Variants in ADAMTSL1 observed in about 807,000 individuals in gnomAD.
ADAMTSL1 encodes the protein ADAMTS-like protein 1.
In ADAMTSL1, 126 loss-of-function variants were observed where a neutral mutation model predicts 201.8. The ratio of observed to expected loss-of-function variants is 0.62; its 90% CI spans 0.54 to 0.72. The LOEUF (loss-of-function observed/expected upper bound fraction) is 0.72. Ranked by LOEUF, ADAMTSL1 falls within the 30% of genes least tolerant of loss-of-function variation. The pLI, the probability that ADAMTSL1 is intolerant of heterozygous loss-of-function variation, is 0.00. For synonymous variants in ADAMTSL1, 1,121 were observed against 903.4 expected (o/e 1.24, Z -4.32); for missense variants, 2,679 against 2,277.8 (o/e 1.18, Z -3.59).
At chr9:17,970,839 C>T (rs983495432) in intron 1 of ADAMTSL1, among the ~76,000 whole-genome samples, 1 of 151,972 alleles carries the variant, frequency 6.6e-6, no homozygotes, top group Admixed American at 6.6e-5. Flanking sequence ...TGTCTTTTCC[C>T]TGTGAAACTC....
At chr9:18,037,748 T>C (rs1821260851) in intron 1 of ADAMTSL1, among the ~76,000 whole-genome samples, 1 of 152,208 alleles carries the variant, frequency 6.6e-6, no homozygotes, top group Admixed American at 6.6e-5. Flanking sequence ...AACTCACCTT[T>C]ATAACTTCTT....
chr9:18,398,046 A>C (rs1394618201), intron 2 of ADAMTSL1, among the ~76,000 whole-genome samples: 1 of 152,192 alleles, frequency 6.6e-6, no homozygotes, highest in Non-Finnish European at 1.5e-5. Context: ...TCAGATGTAA[A>C]ATGACACTGA....
At chr9:17,952,834 T>A (rs935765344) in intron 1 of ADAMTSL1, among the ~76,000 whole-genome samples, 2 of 152,142 alleles carry the variant, frequency 1.3e-5, no homozygotes, top group African/African-American at 4.8e-5. Context: ...GCCACTACCA[T>A]GTTTTAGCAA....
intron 19 of ADAMTSL1, among the ~76,000 whole-genome samples, chr9:18,791,269 C>T (rs572030213): frequency 6.6e-6 from 1 of 152,198 alleles, no homozygotes; most frequent in Non-Finnish European, 1.5e-5. Context: ...TCCAGAACTA[C>T]TGCTCCGCCT....
intron 1 of ADAMTSL1, among the ~76,000 whole-genome samples, chr9:18,504,449 C>T (rs1823012900): frequency 6.6e-6 from 1 of 152,180 alleles, no homozygotes; most frequent in Non-Finnish European, 1.5e-5. Context: ...CTTCTCAGGA[C>T]AGAAATACCT....
intron 13 of ADAMTSL1, among the ~76,000 whole-genome samples, chr9:18,699,150 C>A (rs1831765104): frequency 6.6e-6 from 1 of 152,130 alleles, no homozygotes; most frequent in Middle Eastern, 3.4e-3. Flanking sequence ...GTTTTTTAAC[C>A]CAACTTCCAT....
chr9:18,421,447 T>C (rs1417813806), intron 2 of ADAMTSL1, among the ~76,000 whole-genome samples: 1 of 152,108 alleles, frequency 6.6e-6, no homozygotes, highest in Non-Finnish European at 1.5e-5. Flanking sequence ...TCCTAAGCGA[T>C]AGAGCCAGGA....
chr9:17,923,691 C>T (rs1588422409), intron 1 of ADAMTSL1, among the ~76,000 whole-genome samples: 1 of 115,598 alleles, frequency 8.7e-6, no homozygotes, highest in Non-Finnish European at 1.8e-5. Context: ...GAGGGCATCC[C>T]TGTCTTGTGC....
intron 9 of ADAMTSL1, among the ~76,000 whole-genome samples, chr9:18,674,569 G>C (rs1395246765): frequency 6.6e-6 from 1 of 151,842 alleles, no homozygotes; most frequent in South Asian, 2.1e-4. Context: ...ACCTGGGTTT[G>C]CTAGCCATAT....
At chr9:18,113,846 G>A (rs1825134132) in intron 1 of ADAMTSL1, among the ~76,000 whole-genome samples, 1 of 152,132 alleles carries the variant, frequency 6.6e-6, no homozygotes, top group African/African-American at 2.4e-5. Context: ...ACAACCCTAT[G>A]AGATAAATGC....
chr9:18,595,412 G>T (rs1824198657), intron 4 of ADAMTSL1, among the ~76,000 whole-genome samples: 1 of 152,136 alleles, frequency 6.6e-6, no homozygotes, highest in South Asian at 2.1e-4. Flanking sequence ...CTGAGACTGG[G>T]CCCCCTTGAG....
chr9:18,064,083 C>G (rs529685594), intron 1 of ADAMTSL1, among the ~76,000 whole-genome samples: 1 of 152,158 alleles, frequency 6.6e-6, no homozygotes. Flanking sequence ...ACAGATGCTC[C>G]TACTGTTGCT....
At chr9:18,836,946 G>C (rs1825348217) in intron 23 of ADAMTSL1, among the ~76,000 whole-genome samples, 1 of 152,132 alleles carries the variant, frequency 6.6e-6, no homozygotes, top group Non-Finnish European at 1.5e-5. Flanking sequence ...TACTGATTTT[G>C]TACATTGATT....
chr9:17,981,920 G>A (rs575274113), intron 1 of ADAMTSL1, among the ~76,000 whole-genome samples: 1 of 152,232 alleles, frequency 6.6e-6, no homozygotes, highest in South Asian at 2.1e-4. Flanking sequence ...CCCCACCATG[G>A]TTGGACTTTG....
Position 17,994,917 on chromosome 9 carries a change from C to A in ADAMTSL1, c.87+87995C>A, listed in dbSNP as rs971386229. Among the ~76,000 whole-genome samples, 4 of 152,282 alleles carry A rather than the reference C, an allele frequency of 2.6e-5. No individual in the cohort carries two copies. In the East Asian group the frequency reaches 7.7e-4, roughly 29 times the overall value. ...GAAATAGATGAGACCTCGCCCTTTA[C>A]AGGACCCAAATTCCCTTTAGCTGAA... On this transcript the variant is annotated intron_variant, in intron 1 of 29. Transcript: ENST00000680146.
At chr9:18,606,057 G>A (rs1035904072) in intron 4 of ADAMTSL1, among the ~76,000 whole-genome samples, 4 of 152,152 alleles carry the variant, frequency 2.6e-5, no homozygotes, top group African/African-American at 9.7e-5. Context: ...GCAGGGCTTG[G>A]CGAGAAGGTC....
chr9:18,381,210 T>C (rs909810908), intron 2 of ADAMTSL1, among the ~76,000 whole-genome samples: 2 of 152,216 alleles, frequency 1.3e-5, no homozygotes, highest in African/African-American at 4.8e-5. Context: ...ATTAATTATC[T>C]GGGTTTTCCA....
intron 2 of ADAMTSL1, among the ~76,000 whole-genome samples, chr9:18,322,462 G>C (rs1304001035): frequency 6.6e-6 from 1 of 151,976 alleles, no homozygotes; most frequent in African/African-American, 2.4e-5. Context: ...GTGAAACCCC[G>C]TCTCTACTAA....
intron 1 of ADAMTSL1, among the ~76,000 whole-genome samples, chr9:18,124,381 G>C (rs1825646365): frequency 6.6e-6 from 1 of 152,014 alleles, no homozygotes; most frequent in Non-Finnish European, 1.5e-5. Flanking sequence ...ACACCCGACA[G>C]CCACTTCTAT....
Sources: gnomAD v4.1 joint callset for allele counts (sites outside exome capture counted in the v4.1 genomes callset) on GRCh38, gnomAD v4.1.1 for gene constraint, MANE v1.5 for transcripts, NCBI Gene and HGNC (gene_info 2026-07-23, HGNC 2026-07-21) for gene names.